BAMBI: variants seen among roughly 807,000 people sequenced by gnomAD.
BAMBI encodes BMP and activin membrane-bound inhibitor homolog.
In BAMBI, 21 loss-of-function variants were observed where a neutral mutation model predicts 24.1. The ratio of observed to expected loss-of-function variants is 0.87; its 90% CI spans 0.62 to 1.26. The LOEUF is 1.26. Ranked by LOEUF, BAMBI falls within the 50% of genes most tolerant of loss-of-function variation. The probability of loss-of-function intolerance (pLI) is 0.00; values close to 1 mark genes in which losing one functional copy is unlikely to be tolerated. For missense variants in BAMBI, 388 were observed against 329.1 expected (o/e 1.18, Z -1.38); for synonymous variants, 156 against 123.1 (o/e 1.27, Z -1.77).
intron 1 of BAMBI, among the ~76,000 whole-genome samples, chr10:28,679,150 G>T (rs554679644): frequency 6.6e-6 from 1 of 152,320 alleles, no homozygotes; most frequent in East Asian, 1.9e-4. Context: ...TTGCAGAGGG[G>T]AGCCTCCTGG....
chr10:28,681,485 G>A lies in BAMBI; in HGVS notation c.304G>A (p.Asp102Asn), dbSNP rs1297543576. ...TIPTLECCHE[D>N]MCNYRGLHDV... is the part of the protein sequence containing the mutation. Reference sequence around the variant, plus strand: ...ACCCACATTGGAATGCTGTCATGAAGACATGTGCAATTACAGAGGGCTGCA... The same window carrying A: ...ACCCACATTGGAATGCTGTCATGAAAACATGTGCAATTACAGAGGGCTGCA... The change falls in exon 2 of 3, where the codon GAC (aspartate) becomes AAC (asparagine). Residue 102 changes from aspartate (D) to asparagine (N), a missense_variant. Physicochemically the swap from Asp to Asn is conservative, Grantham distance 23 (BLOSUM62 1). Transcript: ENST00000375533. 1 of 1,614,158 alleles carries A rather than the reference G, an allele frequency of 6.2e-7. No individual in the cohort carries two copies. Among genetic ancestry groups the A allele is most frequent in the South Asian group, 1.1e-5 (1 of 91,078 alleles).
chr10:28,682,208 G>A lies in BAMBI; in HGVS notation c.590G>A (p.Ser197Asn). 1 of 1,614,202 alleles carries A rather than the reference G, an allele frequency of 6.2e-7. No individual in the cohort carries two copies. Among genetic ancestry groups the A allele is most frequent in the East Asian group, 2.2e-5 (1 of 44,878 alleles). Reference protein sequence around the residue: ...RQQMLSRLHYSFHGHHSKKGQ... With the variant: ...RQQMLSRLHYNFHGHHSKKGQ... Reference sequence around the variant, plus strand: ...CAGATGCTCTCCCGTTTGCACTACAGCTTTCACGGACACCATTCCAAAAAG... The same window carrying A: ...CAGATGCTCTCCCGTTTGCACTACAACTTTCACGGACACCATTCCAAAAAG... The change falls in exon 3 of 3, where the codon AGC (serine) becomes AAC (asparagine). Residue 197 changes from serine to asparagine, a missense_variant. Physicochemically the swap from Ser to Asn is conservative, Grantham distance 46 (BLOSUM62 1). Coordinates refer to ENST00000375533, the MANE Select transcript of BAMBI (RefSeq NM_012342.3).
intron 1 of BAMBI, 81 bp downstream of exon 1, chr10:28,678,054 G>C: frequency 7.9e-7 from 1 of 1,270,228 alleles, no homozygotes; most frequent in East Asian, 2.9e-5. Flanking sequence ...CTTTGTTAGC[G>C]GCAGGCGAGG....
rs1463045345 is a variant in BAMBI at position 28,681,515 on chromosome 10, G to C, written c.334G>C (p.Val112Leu). The change falls in exon 2 of 3, where the codon GTT becomes CTT. Residue 112 changes from valine (V) to leucine (L), a missense_variant. Coordinates refer to ENST00000375533, the MANE Select transcript of BAMBI (RefSeq NM_012342.3). ...GTGCAATTACAGAGGGCTGCACGAT[G>C]TTCTCTCTCCTCCCAGGGGTGAGGC... is the stretch of plus-strand genomic sequence containing the variant. ...DMCNYRGLHD[V>L]LSPPRGEASG... The C allele has an allele frequency of 2.5e-6, 4 of 1,613,998 alleles. No homozygotes were observed. Among genetic ancestry groups the C allele is most frequent in the Non-Finnish European group, 3.4e-6 (4 of 1,180,022 alleles).
At chr10:28,678,462 A>G (rs753668040) in intron 1 of BAMBI, among the ~76,000 whole-genome samples, 2 of 151,734 alleles carry the variant, frequency 1.3e-5, no homozygotes, top group Non-Finnish European at 2.9e-5. Flanking sequence ...CCTCTGTATC[A>G]CTCAGCGTAT....
rs755507492 is a variant in BAMBI, at chr10:28,682,021, C to G, written c.403C>G (p.Leu135Val). The change falls in exon 3 of 3, where the codon CTT (leucine) becomes GTT (valine). Residue 135 changes from leucine to valine, a missense_variant. Leu to Val is a conservative substitution (Grantham distance 32). Transcript: ENST00000375533. ...GTATCAGCATGATGGTAGCAGAAAC[C>G]TTATCACCAAGGTGCAGGAGCTGAC... ...NRYQHDGSRN[L>V]ITKVQELTSS... 2 of 1,614,048 alleles carry G rather than the reference C, an allele frequency of 1.2e-6. No homozygotes were observed. Among genetic ancestry groups the G allele is most frequent in the East Asian group, 2.2e-5 (1 of 44,876 alleles).
intron 1 of BAMBI, among the ~76,000 whole-genome samples, chr10:28,679,957 T>C (rs1269051538): frequency 6.6e-6 from 1 of 152,188 alleles, no homozygotes; most frequent in Admixed American, 6.5e-5. Flanking sequence ...GATCTGTGTT[T>C]AGCGGGCTGG....
At chr10:28,680,379 G>A (rs536338796) in intron 1 of BAMBI, among the ~76,000 whole-genome samples, 86 of 152,236 alleles carry the variant, frequency 5.6e-4, no homozygotes, top group African/African-American at 2.0e-3. Flanking sequence ...TTTTTATAAA[G>A]GAAACTTTTA....
chr10:28,681,596 T>C (rs374556196), intron 2 of BAMBI, 51 bp downstream of exon 2: 10 of 1,574,382 alleles, frequency 6.4e-6, no homozygotes, highest in Non-Finnish European at 8.7e-6. Context: ...TATAGACTTG[T>C]GACAGCCACG....
intron 1 of BAMBI, among the ~76,000 whole-genome samples, chr10:28,678,197 T>TGCGGGGAGCGGCGCGTTTGCAGCCCA (rs1443432086): frequency 1.6e-4 from 24 of 152,312 alleles, no homozygotes. Flanking sequence ...TGGCTCTGCC[T>TGCGGGGAGCGGCGCGTTTGCAGCCCA]GCGGGGAGCG....
chr10:28,680,147 C>T (rs1324362543), intron 1 of BAMBI, among the ~76,000 whole-genome samples: 1 of 152,080 alleles, frequency 6.6e-6, no homozygotes, highest in Non-Finnish European at 1.5e-5. Flanking sequence ...TGTTTAATTT[C>T]AGAGTGGAGG....
chr10:28,677,823 C>A lies in BAMBI; in HGVS notation c.-75C>A. 3 of 1,281,090 alleles carry A rather than the reference C, an allele frequency of 2.3e-6. No homozygotes were observed. The highest frequency in any genetic ancestry group is 3.1e-6 in the Non-Finnish European group (3 of 972,704). 79.4% of individuals were successfully genotyped at this position (1,281,090 alleles called of 1,614,324 possible). A position where few individuals can be genotyped will look rare whatever the true frequency, so the allele number is the denominator to read the frequency against. On this transcript the variant is annotated 5_prime_UTR_variant, in exon 1 of 3. Transcript: ENST00000375533. Reference sequence around the variant, plus strand: ...CCGGGCAGGGCCCATGCCCTGCGCGCTCCGGGGGTCGTAGGCTGCCGCCGA... The same window carrying A: ...CCGGGCAGGGCCCATGCCCTGCGCGATCCGGGGGTCGTAGGCTGCCGCCGA...
At chr10:28,679,630 A>G (rs972772557) in intron 1 of BAMBI, among the ~76,000 whole-genome samples, 3 of 152,206 alleles carry the variant, frequency 2.0e-5, no homozygotes, top group Non-Finnish European at 4.4e-5. Context: ...ACATTTAAGC[A>G]GCATTTTACT....
In BAMBI at chr10:28,681,440, A is replaced by C; in HGVS notation, c.259A>C (p.Asn87His). Reference sequence around the variant, plus strand: ...CATCTGCCAAGCCAAACAGGCCCGAAACCACTCTGGCACCACCATACCCAC... The same window carrying C: ...CATCTGCCAAGCCAAACAGGCCCGACACCACTCTGGCACCACCATACCCAC... Reference protein sequence around the residue: ...TDICQAKQARNHSGTTIPTLE... With the variant: ...TDICQAKQARHHSGTTIPTLE... Residue 87 changes from asparagine (N) to histidine (H), a missense_variant, in exon 2 of 3, where the codon AAC (asparagine) becomes CAC (histidine). Transcript: ENST00000375533. The C allele has an allele frequency of 1.9e-6, 3 of 1,614,154 alleles. No homozygotes were observed. Among genetic ancestry groups the C allele is most frequent in the Non-Finnish European group, 2.5e-6 (3 of 1,180,020 alleles).
chr10:28,681,476 T>C lies in BAMBI; in HGVS notation c.295T>C (p.Cys99Arg). 1.9e-6 allele frequency: 3 copies of C among 1,614,178 alleles called. No individual in the cohort carries two copies. Among genetic ancestry groups the C allele is most frequent in the Non-Finnish European group, 2.5e-6 (3 of 1,180,020 alleles). ...CACCACCATACCCACATTGGAATGC[T>C]GTCATGAAGACATGTGCAATTACAG... ...SGTTIPTLEC[C>R]HEDMCNYRGL... The change falls in exon 2 of 3, where the codon TGT (cysteine) becomes CGT (arginine). Residue 99 changes from cysteine (C) to arginine (R), a missense_variant. Coordinates refer to ENST00000375533, the MANE Select transcript of BAMBI (RefSeq NM_012342.3).
Position 28,682,748 on chromosome 10 carries a change from A to AAT in BAMBI, c.*356_*357dup, listed in dbSNP as rs1266360024. 5.6e-6 allele frequency: 1 copy of AAT among 179,852 alleles called. No individual in the cohort carries two copies. The highest frequency in any genetic ancestry group is 1.5e-4 in the East Asian group (1 of 6,844). 11.1% of individuals were successfully genotyped at this position (179,852 alleles called of 1,614,324 possible). A position where few individuals can be genotyped will look rare whatever the true frequency, so the allele number is the denominator to read the frequency against. On this transcript the variant is annotated 3_prime_UTR_variant, in exon 3 of 3. Coordinates refer to ENST00000375533, the MANE Select transcript of BAMBI (RefSeq NM_012342.3). The stretch of plus-strand genomic sequence containing the variant: ...TGATTTATTGTAAAGATTTAAAAGA[A>AAT]ATATATATATTTTGTCTGAAATTTA...
Position 28,681,976 on chromosome 10 carries a change from C to T in BAMBI, c.365-7C>T. ...GGAGTTTGATCATTTTCTTTGTACT[C>T]CTTTAGGACAAGGAAACAGGTATCA... On this transcript the variant is annotated splice_region_variant and splice_polypyrimidine_tract_variant and intron_variant, in intron 2 of 2. Transcript: ENST00000375533. The T allele has an allele frequency of 6.2e-7, 1 of 1,607,862 alleles. No homozygotes were observed. Among genetic ancestry groups the T allele is most frequent in the Non-Finnish European group, 8.5e-7 (1 of 1,175,494 alleles).
chr10:28,682,435 C>CT lies in BAMBI; in HGVS notation c.*36dup. On this transcript the variant is annotated 3_prime_UTR_variant, in exon 3 of 3. Transcript: ENST00000375533. Reference sequence around the variant, plus strand: ...TATCTGAACTACACTTACTGAACAGCTTGAAGGCCTTTTGAGTTCTGCTGG... The same window carrying CT: ...TATCTGAACTACACTTACTGAACAGCTTTGAAGGCCTTTTGAGTTCTGCTGG... 1 of 1,567,236 alleles carries CT rather than the reference C, an allele frequency of 6.4e-7. No homozygotes were observed. The highest frequency in any genetic ancestry group is 8.7e-7 in the Non-Finnish European group (1 of 1,150,758).
At chr10:28,680,856 G>A (rs1472126332) in intron 1 of BAMBI, among the ~76,000 whole-genome samples, 1 of 152,104 alleles carries the variant, frequency 6.6e-6, no homozygotes, top group African/African-American at 2.4e-5. Flanking sequence ...AAACAATTCA[G>A]TAGTTCCGAT....
Sources: gnomAD v4.1 joint callset for allele counts (sites outside exome capture counted in the v4.1 genomes callset) on GRCh38, gnomAD v4.1.1 for gene constraint, MANE v1.5 for transcripts, NCBI Gene and HGNC (gene_info 2026-07-23, HGNC 2026-07-21) for gene names.